TASP1: variants seen among roughly 807,000 people sequenced by gnomAD.
The protein encoded by TASP1 is threonine aspartase 1.
A neutral mutation model predicts 56.6 loss-of-function variants in TASP1; 16 were observed. The observed-to-expected ratio is 0.28, with a 90% CI of 0.19 to 0.43. The LOEUF is 0.43. Ranked by LOEUF, TASP1 falls within the 20% of genes least tolerant of loss-of-function variation. The pLI is 1.00. For synonymous variants in TASP1, 179 were observed against 184.2 expected, an observed-to-expected ratio of 0.97 and a Z score of 0.23; for missense variants, 393 against 511.6, an observed-to-expected ratio of 0.77 and a Z score of 2.24.
At chr20:13,355,332 AG>A in the TASP1 span, among the ~76,000 whole-genome samples, 1 of 152,332 alleles carries the variant, frequency 6.6e-6, no homozygotes, top group East Asian at 1.9e-4. Flanking sequence ...CAGAGAGCAA[AG>A]ATTTAGTTGC....
chr20:13,348,501 T>C, the TASP1 span, among the ~76,000 whole-genome samples: 3 of 152,222 alleles, frequency 2.0e-5, no homozygotes, highest in Non-Finnish European at 4.4e-5. Context: ...ACATGCATTA[T>C]TAAAAAAGAA....
At chr20:13,522,476 C>T (rs887228370) in intron 10 of TASP1, among the ~76,000 whole-genome samples, 1 of 151,888 alleles carries the variant, frequency 6.6e-6, no homozygotes, top group Non-Finnish European at 1.5e-5. Context: ...ATTGGATGTG[C>T]GTGAGATAGA....
At chr20:13,182,384 G>A in the TASP1 span, among the ~76,000 whole-genome samples, 1 of 152,008 alleles carries the variant, frequency 6.6e-6, no homozygotes, top group African/African-American at 2.4e-5. Flanking sequence ...TTAGTTATCT[G>A]CTGTCACATA....
In TASP1 at chr20:13,634,623, G is replaced by A. The variant is rs554657502; in HGVS notation, c.-75+4271C>T. 1.9e-3 allele frequency among the ~76,000 whole-genome samples: 284 copies of A among 151,968 alleles called. 1 individual carries two copies. The highest frequency in any genetic ancestry group is 4.0e-3 in the South Asian group (19 of 4,794). ...CGAGCGCCTGTAATCCCAGCTACTC[G>A]GGAGGTTGAGACAGGAGAATCGCTT... is the stretch of plus-strand genomic sequence containing the variant. On this transcript the variant is annotated intron_variant, in intron 1 of 13. Coordinates refer to ENST00000337743, the MANE Select transcript of TASP1 (RefSeq NM_017714.3).
intron 1 of TASP1, among the ~76,000 whole-genome samples, chr20:13,638,279 C>A (rs1005942625): frequency 1.3e-5 from 2 of 152,070 alleles, no homozygotes; most frequent in Non-Finnish European, 2.9e-5. Context: ...CCTTCCCCTC[C>A]CCTACAGAAG....
chr20:13,234,899 A>G, the TASP1 span, among the ~76,000 whole-genome samples: 1 of 152,140 alleles, frequency 6.6e-6, no homozygotes, highest in Non-Finnish European at 1.5e-5. Flanking sequence ...ATAGTTTGCA[A>G]ATATTTTTTC....
chr20:13,500,369 TATA>T (rs1568515341), intron 10 of TASP1, among the ~76,000 whole-genome samples: 1 of 149,208 alleles, frequency 6.7e-6, no homozygotes, highest in Non-Finnish European at 1.5e-5. Flanking sequence ...TGTTTTCAAA[TATA>T]ATGTTTAGTA....
chr20:13,593,803 T>C (rs2047627715), intron 4 of TASP1, among the ~76,000 whole-genome samples: 1 of 152,200 alleles, frequency 6.6e-6, no homozygotes, highest in Admixed American at 6.5e-5. Context: ...AGCAGAAACT[T>C]CTGCAGACTT....
the TASP1 span, among the ~76,000 whole-genome samples, chr20:13,323,447 G>A: frequency 6.6e-6 from 1 of 152,148 alleles, no homozygotes; most frequent in Non-Finnish European, 1.5e-5. Context: ...TTACCAAAGA[G>A]AAAGAACTCA....
At chr20:13,514,280 G>A (rs2044442909) in intron 10 of TASP1, among the ~76,000 whole-genome samples, 2 of 151,968 alleles carry the variant, frequency 1.3e-5, no homozygotes, top group Admixed American at 1.3e-4. Flanking sequence ...AATTTACTAG[G>A]AAATTTTGAA....
At chr20:13,129,344 A>G in the TASP1 span, among the ~76,000 whole-genome samples, 1 of 152,178 alleles carries the variant, frequency 6.6e-6, no homozygotes, top group African/African-American at 2.4e-5. Context: ...AGCGAGATAG[A>G]GTGGCATCTT....
chr20:13,221,721 C>A, the TASP1 span: 2 of 1,328,950 alleles, frequency 1.5e-6, no homozygotes, highest in Admixed American at 3.5e-5. Flanking sequence ...CCCCCGGCGT[C>A]ACCGCCGCCG....
chr20:13,575,405 T>A (rs1023197176), intron 6 of TASP1, among the ~76,000 whole-genome samples: 4 of 152,256 alleles, frequency 2.6e-5, no homozygotes, highest in East Asian at 1.9e-4. Flanking sequence ...GGGAGCAGGT[T>A]TTTCCCGTGC....
chr20:13,120,355 A>T, the TASP1 span, among the ~76,000 whole-genome samples: 1 of 152,224 alleles, frequency 6.6e-6, no homozygotes, highest in Non-Finnish European at 1.5e-5. Context: ...AACAAAATTG[A>T]ACATAAAAAA....
intron 4 of TASP1, among the ~76,000 whole-genome samples, chr20:13,622,584 A>C (rs1174580759): frequency 6.6e-6 from 1 of 152,176 alleles, no homozygotes; most frequent in Non-Finnish European, 1.5e-5. Flanking sequence ...CACCTGGGCA[A>C]TTTTCACAAG....
the TASP1 span, among the ~76,000 whole-genome samples, chr20:13,192,001 C>T: frequency 6.6e-6 from 1 of 152,130 alleles, no homozygotes. Context: ...TTGTCAATTA[C>T]CCAGTCTGTG....
chr20:13,481,003 T>C (rs1431999581), intron 11 of TASP1, among the ~76,000 whole-genome samples: 1 of 152,132 alleles, frequency 6.6e-6, no homozygotes, highest in African/African-American at 2.4e-5. Context: ...ATTAAATTAT[T>C]ATTGGCCATA....
chr20:13,277,939 C>T, the TASP1 span, among the ~76,000 whole-genome samples: 9 of 152,164 alleles, frequency 5.9e-5, no homozygotes, highest in Non-Finnish European at 1.2e-4. Flanking sequence ...CCTCCCCATT[C>T]GTAACACAAA....
chr20:13,461,446 C>A (rs558798940), intron 11 of TASP1, among the ~76,000 whole-genome samples: 1 of 152,212 alleles, frequency 6.6e-6, no homozygotes, highest in African/African-American at 2.4e-5. Flanking sequence ...AGTGTATGCA[C>A]GAATCCTTAT....
Sources: gnomAD v4.1 joint callset for allele counts (sites outside exome capture counted in the v4.1 genomes callset) on GRCh38, gnomAD v4.1.1 for gene constraint, MANE v1.5 for transcripts, NCBI Gene and HGNC (gene_info 2026-07-23, HGNC 2026-07-21) for gene names.